The following PHC2 variants were observed in gnomAD, a reference collection of about 807,000 sequenced individuals.
PHC2 encodes polyhomeotic homolog 2.
In PHC2, 29 loss-of-function variants were observed where a neutral mutation model predicts 87.4. The observed-to-expected ratio is 0.33, with a 90% CI of 0.25 to 0.45. The LOEUF (loss-of-function observed/expected upper bound fraction) is 0.45, where lower values mean the gene tolerates loss of function less well. Ranked by LOEUF, PHC2 falls within the 20% of genes least tolerant of loss-of-function variation. The probability of loss-of-function intolerance (pLI) is 1.00; values close to 1 mark genes in which losing one functional copy is unlikely to be tolerated. For missense variants in PHC2, 857 were observed against 1,136.7 expected, an observed-to-expected ratio of 0.75 and a Z score of 3.54; for synonymous variants, 438 against 461.7, an observed-to-expected ratio of 0.95 and a Z score of 0.66.
chr1:33,355,492 C>T (rs1049037642), intron 7 of PHC2, among the ~76,000 whole-genome samples: 1 of 152,256 alleles, frequency 6.6e-6, no homozygotes, highest in Admixed American at 6.5e-5. Context: ...AGCTGTCCCC[C>T]ATCCCCAAAG....
chr1:33,356,483 C>T (rs12730620), intron 7 of PHC2, among the ~76,000 whole-genome samples: 23,965 of 147,730 alleles, frequency 0.16, 2,364 homozygotes, highest in South Asian at 0.25. Flanking sequence ...GATTAGGGAG[C>T]GGTGATGACT....
intron 2 of PHC2, among the ~76,000 whole-genome samples, chr1:33,374,043 C>A (rs908502607): frequency 6.6e-6 from 1 of 152,176 alleles, no homozygotes; most frequent in African/African-American, 2.4e-5. Context: ...CACCCCTCTC[C>A]GATACCCTGT....
Position 33,359,700 on chromosome 1 carries a change from G to A in PHC2, c.977-4447C>T, listed in dbSNP as rs12094375. On this transcript the variant is annotated intron_variant, in intron 7 of 14. Coordinates refer to ENST00000683057, the MANE Select transcript of PHC2 (RefSeq NM_001385109.1). The stretch of plus-strand genomic sequence containing the variant: ...ATAAGCACAGAATATTGAGAACACG[G>A]AAAAGGGGATTCAGCTTTGGAAGGA... 4.1e-3 allele frequency among the ~76,000 whole-genome samples: 629 copies of A among 152,336 alleles called. 4 individuals are homozygous for A. The highest frequency in any genetic ancestry group is 0.015 in the African/African-American group (605 of 41,568).
At chr1:33,378,254 G>A (rs975516545) in intron 1 of PHC2, among the ~76,000 whole-genome samples, 1 of 152,182 alleles carries the variant, frequency 6.6e-6, no homozygotes, top group Non-Finnish European at 1.5e-5. Flanking sequence ...AAATTAGGCT[G>A]CATAAAAAGT....
At chr1:33,359,288 G>A (rs2148297667) in intron 7 of PHC2, among the ~76,000 whole-genome samples, 1 of 152,270 alleles carries the variant, frequency 6.6e-6, no homozygotes, top group Middle Eastern at 3.4e-3. Context: ...TGCAGGAAAC[G>A]ACTCACTGTC....
At chr1:33,367,527 T>G in intron 6 of PHC2, 99 bp from the exon 7 acceptor site, 2 of 938,828 alleles carry the variant, frequency 2.1e-6, no homozygotes, top group South Asian at 1.7e-5. Flanking sequence ...AATGGCTGAA[T>G]AGAACAGGAG....
chr1:33,410,788 A>G (rs12130861), intron 1 of PHC2, among the ~76,000 whole-genome samples: 31,320 of 152,136 alleles, frequency 0.21, 3,294 homozygotes, highest in South Asian at 0.25. Context: ...TTAAGCATTG[A>G]TTTTAAAATA....
At chr1:33,350,885 T>C (rs1487905893) in intron 9 of PHC2, among the ~76,000 whole-genome samples, 1 of 152,220 alleles carries the variant, frequency 6.6e-6, no homozygotes, top group East Asian at 1.9e-4. Context: ...CTTACACTTA[T>C]ATTTTGTTTT....
Position 33,356,179 on chromosome 1 carries a change from T to C in PHC2, c.977-926A>G, listed in dbSNP as rs143683542. 4.8e-4 allele frequency among the ~76,000 whole-genome samples: 72 copies of C among 150,644 alleles called. No homozygotes were observed. In the Middle Eastern group the frequency reaches 0.028, roughly 58 times the overall value. On this transcript the variant is annotated intron_variant, in intron 7 of 14. Transcript: ENST00000683057. ...CAGTGCCTGACAGGAATTTGTTTTT[T>C]GGCATGTGTTGCTATGCTAGCTTTT...
At position 33,331,701 on chromosome 1, in the gene PHC2, T is replaced by C. The variant is rs1646501451; in HGVS notation, c.1892-239A>G. ...TTTTTTCTTCCACGTGGTCTGAGTC[T>C]GAGGCAAAACACAGGTGGGGAAGAA... is the stretch of plus-strand genomic sequence containing the variant. On this transcript the variant is annotated intron_variant, in intron 11 of 14. Transcript: ENST00000683057. The surrounding 1 kb of genome is among the most constrained non-coding windows in gnomAD (Gnocchi z 5.2). 1 of 436,822 alleles carries C rather than the reference T, an allele frequency of 2.3e-6. No homozygotes were observed. The highest frequency in any genetic ancestry group is 4.1e-6 in the Non-Finnish European group (1 of 245,548). 27.1% of individuals were successfully genotyped at this position (436,822 alleles called of 1,614,324 possible).
intron 7 of PHC2, chr1:33,363,972 G>C (rs1647283117): frequency 1.1e-6 from 1 of 896,150 alleles, no homozygotes; most frequent in Admixed American, 6.2e-5. Flanking sequence ...AACCTCTTAG[G>C]CTCTGTTCTC....
intron 2 of PHC2, among the ~76,000 whole-genome samples, chr1:33,374,227 G>A (rs1019583995): frequency 6.6e-6 from 1 of 152,152 alleles, no homozygotes; most frequent in African/African-American, 2.4e-5. Flanking sequence ...AGGGAGACAG[G>A]AGGAGCCCAG....
intron 9 of PHC2, among the ~76,000 whole-genome samples, chr1:33,337,310 A>G (rs1158273000): frequency 6.6e-6 from 1 of 152,208 alleles, no homozygotes; most frequent in Non-Finnish European, 1.5e-5. Flanking sequence ...CTCTGGAAGC[A>G]GTTTGTTCCC....
In PHC2 at chr1:33,325,003, T is replaced by G. The variant is rs745701796; in HGVS notation, c.2442A>C (p.Ala814=). The G allele has an allele frequency of 6.2e-7, 1 of 1,612,244 alleles. No homozygotes were observed. The highest frequency in any genetic ancestry group is 8.5e-7 in the Non-Finnish European group (1 of 1,178,676). Residue 814 remains alanine (A), a synonymous_variant, in exon 15 of 15, where the codon GCA becomes GCC. Transcript: ENST00000683057. ...CGATTTCCTGGGCACGGAATTCCTC[T>G]GCTATCTCCTGGCAGCCTGAGGGGG... The part of the protein sequence containing the change: ...IRSLPGCQEI[A]EEFRAQEIDG...
At chr1:33,373,115 T>G (rs1647958611) in intron 2 of PHC2, among the ~76,000 whole-genome samples, 1 of 94,890 alleles carries the variant, frequency 1.1e-5, no homozygotes, top group Non-Finnish European at 2.0e-5. Context: ...CACTCCCCTT[T>G]TATTCTTTTT....
At chr1:33,366,990 G>A (rs749761514) in intron 7 of PHC2, 126 bp downstream of exon 7, 34 of 830,938 alleles carry the variant, frequency 4.1e-5, no homozygotes, top group Non-Finnish European at 6.3e-5. Flanking sequence ...GATAGGGAGG[G>A]AGGAGAGAGA....
chr1:33,393,188 G>C (rs1256390892), intron 1 of PHC2, among the ~76,000 whole-genome samples: 3 of 152,152 alleles, frequency 2.0e-5, no homozygotes, highest in Non-Finnish European at 4.4e-5. Context: ...GGCGCCCAGA[G>C]CAACCTCGAA....
At chr1:33,402,046 T>C (rs1452695108) in intron 1 of PHC2, among the ~76,000 whole-genome samples, 4 of 151,948 alleles carry the variant, frequency 2.6e-5, no homozygotes, top group Admixed American at 6.5e-5. Flanking sequence ...TGAGAAAAAA[T>C]ATTTCTATCA....
At chr1:33,356,274 T>TATATATATATATATATATATAC (rs1647078573) in intron 7 of PHC2, among the ~76,000 whole-genome samples, 2 of 76,178 alleles carry the variant, frequency 2.6e-5, no homozygotes, top group Non-Finnish European at 5.4e-5. Flanking sequence ...TATATATATA[T>TATATATATATATATATATATAC]ATGTATATAT....
Sources: allele counts gnomAD v4.1 joint callset (sites outside exome capture counted in the v4.1 genomes callset), GRCh38; gene constraint gnomAD v4.1.1; non-coding constraint Gnocchi (gnomAD v3.1); transcripts MANE v1.5; gene names NCBI Gene and HGNC (gene_info 2026-07-23, HGNC 2026-07-21).